Variants in ACSS2 observed in about 807,000 individuals in gnomAD.
ACSS2 encodes the protein acyl-CoA synthetase short chain family member 2.
In ACSS2, 58 loss-of-function variants were observed where a neutral mutation model predicts 90.6. The observed-to-expected ratio is 0.64, with a 90% CI of 0.52 to 0.80. The LOEUF is 0.80. Among genes scored for constraint, ACSS2 ranks in the 30% least tolerant of loss-of-function variants. ACSS2 has a pLI of 0.00. For missense variants in ACSS2, 759 were observed against 912.0 expected, an observed-to-expected ratio of 0.83 and a Z score of 2.16; for synonymous variants, 300 against 330.9, an observed-to-expected ratio of 0.91 and a Z score of 1.01.
intron 2 of ACSS2, among the ~76,000 whole-genome samples, chr20:34,898,206 G>C (rs996603857): frequency 6.6e-6 from 1 of 152,172 alleles, no homozygotes; most frequent in African/African-American, 2.4e-5. Flanking sequence ...AGCTTCCACA[G>C]TGTGGAAGGG....
Position 34,921,337 on chromosome 20 carries a change from C to T in ACSS2, c.1285C>T (p.Arg429Trp), listed in dbSNP as rs753221563. 9 of 1,614,046 alleles carry T rather than the reference C, an allele frequency of 5.6e-6. No individual in the cohort carries two copies. Among genetic ancestry groups the T allele is most frequent in the African/African-American group, 5.3e-5 (4 of 74,934 alleles). ...FGDEPVTKHS[R>W]ASLQVLGTVG... The stretch of plus-strand genomic sequence containing the variant: ...CCCATTCCCCTGCCCCAGGCATAGC[C>T]GGGCATCCTTGCAGGTGTTAGGCAC... The change falls in exon 11 of 18, where the codon CGG becomes TGG. Residue 429 changes from arginine (R) to tryptophan (W), a missense_variant. Transcript: ENST00000360596.
Position 34,927,378 on chromosome 20 carries a change from G to A in ACSS2, c.*164G>A. 1.1e-6 allele frequency: 1 copy of A among 924,434 alleles called. No individual in the cohort carries two copies. 57.3% of individuals were successfully genotyped at this position (924,434 alleles called of 1,614,324 possible). On this transcript the variant is annotated 3_prime_UTR_variant, in exon 18 of 18. Coordinates refer to ENST00000360596, the MANE Select transcript of ACSS2 (RefSeq NM_018677.4). The surrounding 1 kb of genome is among the most constrained non-coding windows in gnomAD (Gnocchi z 4.2). ...TGTCTCCAGGTAGAGACAACATCCT[G>A]TGACTGCCAGGCAGAAAGGACAGGG...
Position 34,926,773 on chromosome 20 carries a change from G to T in ACSS2, c.1904-104G>T. 6 of 1,110,840 alleles carry T rather than the reference G, an allele frequency of 5.4e-6. 1 individual carries two copies. In the South Asian group the frequency reaches 6.8e-5, roughly 13 times the overall value. The allele number at this position is 1,110,840 out of a possible 1,614,324, so 68.8% of individuals were successfully genotyped here. The stretch of plus-strand genomic sequence containing the variant: ...ACCTGAGGCTGTCTCTGTGGGCAGG[G>T]ACTTGAGGAGGAAACAGGTGGGGAA... On this transcript the variant is annotated intron_variant, in intron 16 of 17. Transcript: ENST00000360596.
intron 2 of ACSS2, among the ~76,000 whole-genome samples, chr20:34,899,135 A>G (rs868665142): frequency 1.4e-4 from 22 of 152,152 alleles, no homozygotes; most frequent in African/African-American, 5.3e-4. Flanking sequence ...TCGGAACTCC[A>G]GCTGGCCCGC....
At chr20:34,893,781 A>G (rs958788223) in intron 2 of ACSS2, among the ~76,000 whole-genome samples, 5 of 152,130 alleles carry the variant, frequency 3.3e-5, no homozygotes, top group Non-Finnish European at 5.9e-5. Flanking sequence ...TTTTTGGGAT[A>G]TAAAGTTTTT....
At position 34,923,338 on chromosome 20, in the gene ACSS2, T is replaced by C; in HGVS notation, c.1564T>C (p.Trp522Arg). The change falls in exon 14 of 18, where the codon TGG becomes CGG. Residue 522 changes from tryptophan to arginine, a missense_variant. By Grantham distance (101) the Trp-to-Arg change is moderately radical. Transcript: ENST00000360596. Reference sequence around the variant, plus strand: ...CACTCCCCAGGTGTTCAAGCAGCCCTGGCCAGGGATCATGCGCACAGTCTA... The same window carrying C: ...CACTCCCCAGGTGTTCAAGCAGCCCCGGCCAGGGATCATGCGCACAGTCTA... The part of the protein sequence containing the change: ...AEGYLVFKQP[W>R]PGIMRTVYGN... 1 of 1,614,148 alleles carries C rather than the reference T, an allele frequency of 6.2e-7. No individual in the cohort carries two copies. Among genetic ancestry groups the C allele is most frequent in the Non-Finnish European group, 8.5e-7 (1 of 1,179,984 alleles).
intron 2 of ACSS2, among the ~76,000 whole-genome samples, chr20:34,907,282 T>C (rs1336086946): frequency 6.6e-6 from 1 of 151,990 alleles, no homozygotes; most frequent in Non-Finnish European, 1.5e-5. Flanking sequence ...CATGCCCGGC[T>C]AATTTTTGTC....
intron 2 of ACSS2, among the ~76,000 whole-genome samples, chr20:34,895,612 A>C (rs988754681): frequency 9.9e-5 from 15 of 152,226 alleles, no homozygotes; most frequent in African/African-American, 3.6e-4. Context: ...TACATTCTCA[A>C]ATTGTCCCTT....
At chr20:34,926,319 C>T in intron 16 of ACSS2, 38 bp downstream of exon 16, 1 of 1,591,520 alleles carries the variant, frequency 6.3e-7, no homozygotes, top group South Asian at 1.1e-5. Flanking sequence ...TAGGGTCTGT[C>T]TTGGAGGCCC....
At chr20:34,926,626 C>CACACTGCTAGA (rs2081324507) in intron 16 of ACSS2, among the ~76,000 whole-genome samples, 6 of 152,118 alleles carry the variant, frequency 3.9e-5, no homozygotes, top group Non-Finnish European at 8.8e-5. Context: ...ATCACTTGCC[C>CACACTGCTAGA]AAGGCCACAC....
At chr20:34,893,352 C>T (rs898508174) in intron 2 of ACSS2, among the ~76,000 whole-genome samples, 3 of 151,908 alleles carry the variant, frequency 2.0e-5, no homozygotes, top group African/African-American at 7.3e-5. Context: ...CAGTCATGCA[C>T]CAACACAATC....
At chr20:34,883,089 C>A in intron 2 of ACSS2, 100 bp downstream of exon 2, 1 of 852,018 alleles carries the variant, frequency 1.2e-6, no homozygotes, top group Admixed American at 3.0e-5. Context: ...CTTAATGCCT[C>A]AGGTGAGGAA....
rs2081026362 is a variant in ACSS2, at chr20:34,914,160, G to A, written c.708G>A (p.Lys236=). 1 of 1,614,208 alleles carries A rather than the reference G, an allele frequency of 6.2e-7. No homozygotes were observed. The highest frequency in any genetic ancestry group is 8.5e-7 in the Non-Finnish European group (1 of 1,180,024). ...LKELADEALQ[K]CQEKGFPVRC... ...AGCTGGCTGACGAGGCCCTGCAGAAGTGTCAGGAGAAGTAAGTGTGTTTGG... is the reference window on the plus strand; with the variant it reads ...AGCTGGCTGACGAGGCCCTGCAGAAATGTCAGGAGAAGTAAGTGTGTTTGG... Residue 236 remains lysine, a synonymous_variant, in exon 6 of 18, where the codon AAG becomes AAA. Coordinates refer to ENST00000360596, the MANE Select transcript of ACSS2 (RefSeq NM_018677.4).
intron 2 of ACSS2, among the ~76,000 whole-genome samples, chr20:34,886,539 G>A (rs867071137): frequency 1.5e-4 from 23 of 152,196 alleles, no homozygotes; most frequent in East Asian, 1.2e-3. Context: ...CAGAAGAATC[G>A]CGTGAACCTG....
upstream of ACSS2, among the ~76,000 whole-genome samples, chr20:34,875,497 A>G (rs1049221573): frequency 6.6e-5 from 10 of 152,190 alleles, no homozygotes; most frequent in Non-Finnish European, 1.5e-4. Flanking sequence ...TGAATCCAGG[A>G]GGCAGAGGTT....
At chr20:34,883,767 A>G (rs1449018128) in intron 2 of ACSS2, among the ~76,000 whole-genome samples, 1 of 152,202 alleles carries the variant, frequency 6.6e-6, no homozygotes. Context: ...CCACTAGGCC[A>G]TGCAGCCTCC....
rs1369095224 is a variant in ACSS2, at chr20:34,883,064, G to A, written c.374+75G>A. 11 of 1,187,796 alleles carry A rather than the reference G, an allele frequency of 9.3e-6. No individual in the cohort carries two copies. The East Asian group carries it at 2.7e-4, about 29-fold the overall frequency. The allele number at this position is 1,187,796 out of a possible 1,614,324, so 73.6% of individuals were successfully genotyped here. ...TACTTACAACAACCCAGTAGAGTAA[G>A]CAAAGTGTCATCAACTTAATGCCTC... is the stretch of plus-strand genomic sequence containing the variant. On this transcript the variant is annotated intron_variant, in intron 2 of 17. Transcript: ENST00000360596.
In ACSS2 at chr20:34,926,124, A is replaced by G. The variant is rs2147112120; in HGVS notation, c.1746A>G (p.Ala582=). The G allele has an allele frequency of 6.2e-7, 1 of 1,614,224 alleles. No homozygotes were observed. Among genetic ancestry groups the G allele is most frequent in the Non-Finnish European group, 8.5e-7 (1 of 1,180,040 alleles). The part of the protein sequence containing the change: ...LNVSGHLLST[A]EVESALVEHE... Reference sequence around the variant, plus strand: ...GACAAGGACACCTGCTGAGTACAGCAGAGGTGGAGTCAGCACTTGTGGAAC... The same window carrying G: ...GACAAGGACACCTGCTGAGTACAGCGGAGGTGGAGTCAGCACTTGTGGAAC... The change falls in exon 16 of 18, where the codon GCA becomes GCG. Residue 582 remains alanine (A), a synonymous_variant. Transcript: ENST00000360596.
At chr20:34,922,116 G>A in intron 13 of ACSS2, 1 of 809,416 alleles carries the variant, frequency 1.2e-6, no homozygotes, top group Non-Finnish European at 1.7e-6. Flanking sequence ...ACCTTTTTGG[G>A]TCTGGAAGAC....
Sources: gnomAD v4.1 joint callset for allele counts (sites outside exome capture counted in the v4.1 genomes callset) on GRCh38, gnomAD v4.1.1 for gene constraint, Gnocchi (gnomAD v3.1) non-coding constraint, MANE v1.5 for transcripts, NCBI Gene and HGNC (gene_info 2026-07-23, HGNC 2026-07-21) for gene names.